MPI: variants seen among roughly 807,000 people sequenced by gnomAD.
MPI encodes mannose phosphate isomerase.
MPI carries 33 observed loss-of-function variants against 40.1 expected under a neutral mutation model. The observed-to-expected ratio is 0.82, with a 90% CI of 0.62 to 1.10. MPI has a LOEUF of 1.10. MPI is among the 50% of genes least tolerant of loss of function. The pLI is 0.00. For missense variants in MPI, 514 were observed against 524.1 expected (o/e 0.98, Z 0.19); for synonymous variants, 187 against 207.4 (o/e 0.90, Z 0.85).
rs1306021354 is a variant in MPI at position 74,899,215 on chromosome 15, G to A, written c.*1485G>A. 1 of 152,196 alleles carries A rather than the reference G, an allele frequency of 6.6e-6. No individual in the cohort carries two copies. Among genetic ancestry groups the A allele is most frequent in the African/African-American group, 2.4e-5 (1 of 41,454 alleles). The allele number at this position is 152,196 out of a possible 1,614,324, so 9.4% of individuals were successfully genotyped here. The stretch of plus-strand genomic sequence containing the variant: ...GCTGTCTGCTGCTGCTGAGGTTTCT[G>A]ACCTGCAATCGTAGATCCTGTCACC... On this transcript the variant is annotated 3_prime_UTR_variant, in exon 8 of 8. Transcript: ENST00000352410.
Position 74,896,512 on chromosome 15 carries a change from G to C in MPI, c.844+187G>C, listed in dbSNP as rs754104704. The C allele has an allele frequency of 5.5e-6, 4 of 723,988 alleles. No individual in the cohort carries two copies. The Admixed American group carries it at 6.0e-5, about 11-fold the overall frequency. 44.8% of individuals were successfully genotyped at this position (723,988 alleles called of 1,614,324 possible). On this transcript the variant is annotated intron_variant, in intron 6 of 7. Coordinates refer to ENST00000352410, the MANE Select transcript of MPI (RefSeq NM_002435.3). The stretch of plus-strand genomic sequence containing the variant: ...GATGAATGCATTTAGCATTGAACAC[G>C]CCTTGAATCCTGACACCAACCCTGT...
intron 6 of MPI, 155 bp from the exon 7 acceptor site, chr15:74,896,856 T>C: frequency 1.4e-6 from 1 of 738,144 alleles, no homozygotes. Context: ...CTGTTTTTGG[T>C]ATTTGATATC....
intron 5 of MPI, chr15:74,895,817 C>G: frequency 2.8e-6 from 1 of 358,902 alleles, no homozygotes; most frequent in Non-Finnish European, 5.4e-6. Context: ...CACAGGACAG[C>G]CCCCACAATA....
intron 1 of MPI, 67 bp downstream of exon 1, chr15:74,890,156 T>C (rs774513136): frequency 2.7e-5 from 43 of 1,597,468 alleles, no homozygotes; most frequent in Non-Finnish European, 3.5e-5. Flanking sequence ...ACTCCCGGCA[T>C]TATCGGCCAG....
At position 74,893,334 on chromosome 15, in the gene MPI, T is replaced by G; in HGVS notation, c.670+14T>G. ...TCTCCCAGCAAGGTGGACACAGTTA[T>G]ATTCCTGGTTGGGTGCAATGCTCTG... On this transcript the variant is annotated intron_variant, in intron 5 of 7. Coordinates refer to ENST00000352410, the MANE Select transcript of MPI (RefSeq NM_002435.3). 1 of 1,614,114 alleles carries G rather than the reference T, an allele frequency of 6.2e-7. No homozygotes were observed. The highest frequency in any genetic ancestry group is 8.5e-7 in the Non-Finnish European group (1 of 1,179,934).
Position 74,892,685 on chromosome 15 carries a change from C to G in MPI, c.370C>G (p.Gln124Glu). Residue 124 changes from glutamine to glutamate, a missense_variant, in exon 4 of 8, where the codon CAG becomes GAG. By Grantham distance (29) the Gln-to-Glu change is conservative (BLOSUM62 2). Transcript: ENST00000352410. ...NKELAEKLHL[Q>E]APQHYPDANH... is the part of the protein sequence containing the mutation. ...GGAGCTGGCAGAGAAGCTGCACCTC[C>G]AGGCTCCGCAGCACTACCCCGATGC... 6.2e-7 allele frequency: 1 copy of G among 1,614,234 alleles called. No individual in the cohort carries two copies. The highest frequency in any genetic ancestry group is 8.5e-7 in the Non-Finnish European group (1 of 1,180,042).
In MPI at chr15:74,893,281, G is replaced by A. The variant is rs769810913; in HGVS notation, c.631G>A (p.Glu211Lys). The part of the protein sequence containing the change: ...LMKSEKKVVV[E>K]QLNLLVKRIS... ...GAAGAGTGAGAAGAAGGTGGTGGTGGAACAGCTCAACCTGTTGGTGAAGCG... is the reference window on the plus strand; with the variant it reads ...GAAGAGTGAGAAGAAGGTGGTGGTGAAACAGCTCAACCTGTTGGTGAAGCG... The change falls in exon 5 of 8, where the codon GAA becomes AAA. Residue 211 changes from glutamate (E) to lysine (K), a missense_variant. Glu to Lys is a moderately conservative substitution (Grantham distance 56). Coordinates refer to ENST00000352410, the MANE Select transcript of MPI (RefSeq NM_002435.3). 30 of 1,614,108 alleles carry A rather than the reference G, an allele frequency of 1.9e-5. No individual in the cohort carries two copies. The East Asian group carries it at 6.7e-4, about 36-fold the overall frequency.
rs2141199719 is a variant in MPI, at chr15:74,892,812, G to A, written c.487+10G>A. The A allele has an allele frequency of 6.2e-7, 1 of 1,614,240 alleles. No individual in the cohort carries two copies. The highest frequency in any genetic ancestry group is 8.5e-7 in the Non-Finnish European group (1 of 1,180,042). On this transcript the variant is annotated intron_variant, in intron 4 of 7. Coordinates refer to ENST00000352410, the MANE Select transcript of MPI (RefSeq NM_002435.3). ...GTAACCTTTCTAAAGAGTAAGTTGG[G>A]CAGAATGCTGAAGGCATGCGTACTG...
chr15:74,896,225 T>C lies in MPI; in HGVS notation c.744T>C (p.Asp248=), dbSNP rs2141206666. 2 of 1,614,198 alleles carry C rather than the reference T, an allele frequency of 1.2e-6. No homozygotes were observed. Among genetic ancestry groups the C allele is most frequent in the Non-Finnish European group, 1.7e-6 (2 of 1,180,034 alleles). The part of the protein sequence containing the change: ...LLQLHQQYPG[D]IGCFAIYFLN... ...AGCTGCACCAGCAGTACCCAGGTGATATCGGCTGCTTTGCCATCTACTTCC... is the reference window on the plus strand; with the variant it reads ...AGCTGCACCAGCAGTACCCAGGTGACATCGGCTGCTTTGCCATCTACTTCC... The change falls in exon 6 of 8, where the codon GAT becomes GAC. Residue 248 remains aspartate (D), a synonymous_variant. Coordinates refer to ENST00000352410, the MANE Select transcript of MPI (RefSeq NM_002435.3).
At position 74,896,195 on chromosome 15, in the gene MPI, GC is replaced by G. The variant is rs1304511576; in HGVS notation, c.715del (p.Leu239TyrfsTer19). The G allele has an allele frequency of 6.2e-7, 1 of 1,614,024 alleles. No homozygotes were observed. Among genetic ancestry groups the G allele is most frequent in the African/African-American group, 1.3e-5 (1 of 74,914 alleles). ...NMEDIFGELL[L>X]QLHQQYPGDI... is the part of the protein sequence containing the mutation. Reference sequence around the variant, plus strand: ...TGGAGGACATCTTTGGGGAGCTTTTGCTACAGCTGCACCAGCAGTACCCAGG... The same window carrying G: ...TGGAGGACATCTTTGGGGAGCTTTTGTACAGCTGCACCAGCAGTACCCAGG... On this transcript the variant is annotated frameshift_variant, in exon 6 of 8. Transcript: ENST00000352410. LOFTEE classifies it high-confidence loss of function.
chr15:74,897,643 G>C lies in MPI; in HGVS notation c.1185G>C (p.Val395=). The C allele has an allele frequency of 6.2e-7, 1 of 1,614,204 alleles. No homozygotes were observed. The highest frequency in any genetic ancestry group is 8.5e-7 in the Non-Finnish European group (1 of 1,180,036). ...QTPIPLQRGG[V]LFIGANESVS... ...CAATCCCTCTGCAACGTGGTGGCGT[G>C]CTCTTCATTGGGGCCAATGAGAGTG... Residue 395 remains valine, a synonymous_variant, in exon 8 of 8, where the codon GTG becomes GTC. Transcript: ENST00000352410.
Position 74,892,708 on chromosome 15 carries a change from T to C in MPI, c.393T>C (p.Asp131=). ...LHLQAPQHYP[D]ANHKPEMAIA... is the part of the protein sequence containing the mutation. The stretch of plus-strand genomic sequence containing the variant: ...TCCAGGCTCCGCAGCACTACCCCGA[T>C]GCCAACCACAAGCCAGAGATGGCCA... Residue 131 remains aspartate, a synonymous_variant, in exon 4 of 8, where the codon GAT becomes GAC. Coordinates refer to ENST00000352410, the MANE Select transcript of MPI (RefSeq NM_002435.3). 1 of 1,614,248 alleles carries C rather than the reference T, an allele frequency of 6.2e-7. No homozygotes were observed. Among genetic ancestry groups the C allele is most frequent in the Non-Finnish European group, 8.5e-7 (1 of 1,180,040 alleles).
chr15:74,896,925 G>T, intron 6 of MPI, 86 bp from the exon 7 acceptor site: 1 of 1,265,750 alleles, frequency 7.9e-7, no homozygotes, highest in Non-Finnish European at 1.2e-6. Context: ...CTTGGCATGG[G>T]GTTCATGGAG....
At chr15:74,896,735 A>G (rs1009259741) in intron 6 of MPI, 2 of 611,060 alleles carry the variant, frequency 3.3e-6, no homozygotes, top group Non-Finnish European at 5.8e-6. Flanking sequence ...TTATCCACAC[A>G]TGCCTCATGC....
In MPI at chr15:74,897,766, C is replaced by A. The variant is rs1252789570; in HGVS notation, c.*36C>A. The A allele has an allele frequency of 6.2e-7, 1 of 1,602,946 alleles. No homozygotes were observed. The highest frequency in any genetic ancestry group is 8.5e-7 in the Non-Finnish European group (1 of 1,171,234). ...CTCCCCAGCTCTCCTCTGCCAGCCA[C>A]CCTAAATTCCAGCCAACCTCACCTC... On this transcript the variant is annotated 3_prime_UTR_variant, in exon 8 of 8. Coordinates refer to ENST00000352410, the MANE Select transcript of MPI (RefSeq NM_002435.3).
rs1435677254 is a variant in MPI at position 74,891,517 on chromosome 15, C to T, written c.283C>T (p.Pro95Ser). Residue 95 changes from proline (P) to serine (S), a missense_variant, in exon 3 of 8, where the codon CCC becomes TCC. Physicochemically the swap from Pro to Ser is moderately conservative, Grantham distance 74 (BLOSUM62 -1). Coordinates refer to ENST00000352410, the MANE Select transcript of MPI (RefSeq NM_002435.3). Reference sequence around the variant, plus strand: ...CAAGGACACCTTTAATGGCAACCTGCCCTTCCTCTTCAAAGTGCTCTCAGT... The same window carrying T: ...CAAGGACACCTTTAATGGCAACCTGTCCTTCCTCTTCAAAGTGCTCTCAGT... ...KVKDTFNGNL[P>S]FLFKVLSVET... The T allele has an allele frequency of 6.2e-7, 1 of 1,614,234 alleles. No homozygotes were observed. The highest frequency in any genetic ancestry group is 1.7e-5 in the Admixed American group (1 of 60,022).
At chr15:74,892,577 C>G in intron 3 of MPI, 84 bp from the exon 4 acceptor site, 1 of 1,579,332 alleles carries the variant, frequency 6.3e-7, no homozygotes, top group Non-Finnish European at 8.6e-7. Context: ...GGAGGGTGGA[C>G]AGCAGGGGCT....
chr15:74,897,270 G>C (rs2064834126), intron 7 of MPI, 51 bp downstream of exon 7: 2 of 1,598,662 alleles, frequency 1.3e-6, no homozygotes, highest in East Asian at 4.5e-5. Flanking sequence ...AAAATCTCTG[G>C]CAAGGGTCAC....
chr15:74,898,375 C>G lies in MPI; in HGVS notation c.*645C>G, dbSNP rs572840068. 1 of 169,802 alleles carries G rather than the reference C, an allele frequency of 5.9e-6. No individual in the cohort carries two copies. Among genetic ancestry groups the G allele is most frequent in the East Asian group, 1.5e-4 (1 of 6,888 alleles). 10.5% of individuals were successfully genotyped at this position (169,802 alleles called of 1,614,324 possible). On this transcript the variant is annotated 3_prime_UTR_variant, in exon 8 of 8. Coordinates refer to ENST00000352410, the MANE Select transcript of MPI (RefSeq NM_002435.3). ...GTGAGCAGGCTACACTCCAGAACACCGGTATGGGAAGGAGTGGGAGAGGAA... is the reference window on the plus strand; with the variant it reads ...GTGAGCAGGCTACACTCCAGAACACGGGTATGGGAAGGAGTGGGAGAGGAA...
Sources: allele counts gnomAD v4.1 joint callset, GRCh38; gene constraint gnomAD v4.1.1; transcripts MANE v1.5; gene names NCBI Gene and HGNC (gene_info 2026-07-23, HGNC 2026-07-21).